Variants in BRCA1 observed in about 807,000 individuals in gnomAD.
BRCA1 encodes the protein BRCA1 DNA repair associated, also known as breast cancer type 1 susceptibility protein.
BRCA1 carries 140 observed loss-of-function variants against 173.7 expected under a neutral mutation model. That is an observed-to-expected ratio of 0.81 (90% CI 0.70 to 0.93). The LOEUF (loss-of-function observed/expected upper bound fraction) is 0.93. Among genes scored for constraint, BRCA1 ranks in the 40% least tolerant of loss-of-function variants. BRCA1 has a pLI of 0.00. For synonymous variants in BRCA1, 662 were observed against 756.0 expected, an observed-to-expected ratio of 0.88 and a Z score of 2.04; for missense variants, 1,983 against 2,172.5, an observed-to-expected ratio of 0.91 and a Z score of 1.73.
rs2054792700 is a variant in BRCA1, at chr17:43,106,523, G to A, written c.145C>T (p.Leu49=). The A allele has an allele frequency of 6.3e-7, 1 of 1,595,148 alleles. No individual in the cohort carries two copies. The highest frequency in any genetic ancestry group is 8.6e-7 in the Non-Finnish European group (1 of 1,163,994). ...CCTTTCTTCTGGTTGAGAAGTTTCA[G>A]CATGCAAAATCTATAAATTATAAAG... ...CDHIFCKFCM[L]KLLNQKKGPS... is the part of the protein sequence containing the mutation. The change falls in exon 4 of 23, where the codon CTG becomes TTG. Residue 49 remains leucine, a synonymous_variant. Transcript: ENST00000357654.
intron 3 of BRCA1, among the ~76,000 whole-genome samples, chr17:43,114,491 A>G (rs988805577): frequency 6.6e-6 from 1 of 151,984 alleles, no homozygotes; most frequent in Non-Finnish European, 1.5e-5. Context: ...TCTTCCCAGA[A>G]AAATGTACAT....
In BRCA1 at chr17:43,094,113, T is replaced by C. The variant is rs80357057; in HGVS notation, c.1418A>G (p.Asn473Ser). 9.3e-6 allele frequency: 15 copies of C among 1,614,110 alleles called. No homozygotes were observed. Among genetic ancestry groups the C allele is most frequent in the South Asian group, 6.6e-5 (6 of 91,080 alleles). The stretch of plus-strand genomic sequence containing the variant: ...TAGATTTTCAGTTACATGGCTTAAG[T>C]TGGGGAGGCTTGCCTTCTTCCGATA... ...KTYRKKASLP[N>S]LSHVTENLII... Residue 473 changes from asparagine to serine, a missense_variant, in exon 10 of 23, where the codon AAC becomes AGC. Asn to Ser is a conservative substitution (Grantham distance 46). Transcript: ENST00000357654.
chr17:43,152,810 G>A (rs1309683650), intron 1 of BRCA1, among the ~76,000 whole-genome samples: 1 of 151,870 alleles, frequency 6.6e-6, no homozygotes, highest in Non-Finnish European at 1.5e-5. Flanking sequence ...AGCTGAGATT[G>A]CGCCACTGTA....
chr17:43,135,779 C>G (rs1014008735), intron 1 of BRCA1, among the ~76,000 whole-genome samples: 49 of 152,344 alleles, frequency 3.2e-4, no homozygotes, highest in Admixed American at 1.2e-3. Flanking sequence ...ATCGCAACAG[C>G]ATCTCCCTCC....
At chr17:43,111,997 T>G (rs2154561493) in intron 3 of BRCA1, among the ~76,000 whole-genome samples, 1 of 152,336 alleles carries the variant, frequency 6.6e-6, no homozygotes, top group Middle Eastern at 3.4e-3. Context: ...GCTCCCAGCT[T>G]TCTCATCATA....
At chr17:43,104,054 T>C in intron 6 of BRCA1, 68 bp downstream of exon 6, 2 of 1,493,110 alleles carry the variant, frequency 1.3e-6, no homozygotes, top group Non-Finnish European at 1.8e-6. Flanking sequence ...CAAGACTCCA[T>C]CTCAAAAAAA....
In BRCA1 at chr17:43,119,009, A is replaced by T. The variant is rs977262668; in HGVS notation, c.81-3230T>A. ...TTGAAGTCCTGACCTCAAGTGATCC[A>T]TCTGCCTCGACCGGGATTACAGGCG... On this transcript the variant is annotated intron_variant, in intron 2 of 22. Coordinates refer to ENST00000357654, the MANE Select transcript of BRCA1 (RefSeq NM_007294.4). The T allele has an allele frequency of 2.8e-5, 6 of 213,612 alleles. No individual in the cohort carries two copies. The Admixed American group carries it at 3.5e-4, about 13-fold the overall frequency. 13.2% of individuals were successfully genotyped at this position (213,612 alleles called of 1,614,324 possible).
At chr17:43,106,574 C>T (rs570133578) in intron 3 of BRCA1, 41 bp from the exon 4 acceptor site, 1 of 1,427,462 alleles carries the variant, frequency 7.0e-7, no homozygotes, top group East Asian at 2.3e-5. Flanking sequence ...TAATTTACTT[C>T]CTTTTGTAGA....
At chr17:43,090,834 G>T (rs2154247384) in intron 11 of BRCA1, 110 bp downstream of exon 11, 2 of 1,013,836 alleles carry the variant, frequency 2.0e-6, no homozygotes, top group Non-Finnish European at 1.5e-6. Context: ...AAACAATTGT[G>T]CCATTAATTC....
At chr17:43,119,632 A>G (rs2055458311) in intron 2 of BRCA1, among the ~76,000 whole-genome samples, 2 of 152,238 alleles carry the variant, frequency 1.3e-5, no homozygotes, top group Non-Finnish European at 2.9e-5. Context: ...CAACATTGGT[A>G]TTATTACTGG....
At chr17:43,079,257 T>C in intron 12 of BRCA1, 2 of 1,114,294 alleles carry the variant, frequency 1.8e-6, no homozygotes, top group Middle Eastern at 2.3e-4. Context: ...TAAAAAGTCA[T>C]TCCTCCTTTT....
intron 18 of BRCA1, among the ~76,000 whole-genome samples, chr17:43,058,036 A>AAG (rs2051585047): frequency 1.3e-5 from 2 of 150,506 alleles, no homozygotes; most frequent in East Asian, 1.9e-4. Flanking sequence ...AAAAAAAAAA[A>AAG]AAAAAAAAAT....
chr17:43,135,707 C>A (rs2056015206), intron 1 of BRCA1, among the ~76,000 whole-genome samples: 1 of 152,218 alleles, frequency 6.6e-6, no homozygotes, highest in Non-Finnish European at 1.5e-5. Flanking sequence ...GATTCCACTT[C>A]TGCTTCAGGC....
chr17:43,087,466 C>A (rs2053271173), intron 11 of BRCA1, among the ~76,000 whole-genome samples: 3 of 151,976 alleles, frequency 2.0e-5, no homozygotes, highest in Admixed American at 2.0e-4. Flanking sequence ...AGTTTGAGAC[C>A]AGCCTGGTCA....
intron 1 of BRCA1, among the ~76,000 whole-genome samples, chr17:43,130,768 C>T (rs1311084785): frequency 6.6e-6 from 1 of 152,148 alleles, no homozygotes; most frequent in Non-Finnish European, 1.5e-5. Flanking sequence ...GTGAACTGAC[C>T]TGCTCACAGT....
At chr17:43,154,872 G>A (rs1428404008) in intron 1 of BRCA1, among the ~76,000 whole-genome samples, 1 of 151,858 alleles carries the variant, frequency 6.6e-6, no homozygotes, top group African/African-American at 2.4e-5. Flanking sequence ...TGTATAGGGG[G>A]TAGGTGTACA....
At chr17:43,110,349 T>A in intron 3 of BRCA1, 1 of 210,000 alleles carries the variant, frequency 4.8e-6, no homozygotes, top group Non-Finnish European at 1.0e-5. Flanking sequence ...CACTTTGGGA[T>A]GCCTAGGTGG....
chr17:43,145,733 A>C (rs2056117786), intron 1 of BRCA1, among the ~76,000 whole-genome samples: 2 of 151,588 alleles, frequency 1.3e-5, no homozygotes, highest in Non-Finnish European at 3.0e-5. Context: ...TTTTAAGTGT[A>C]AATGCTTTTT....
chr17:43,057,988 C>G (rs2051580154), intron 18 of BRCA1, among the ~76,000 whole-genome samples: 1 of 140,988 alleles, frequency 7.1e-6, no homozygotes, highest in African/African-American at 2.8e-5. Flanking sequence ...CCACTGCACT[C>G]CAGCCTGGGT....
Sources: allele counts gnomAD v4.1 joint callset (sites outside exome capture counted in the v4.1 genomes callset), GRCh38; gene constraint gnomAD v4.1.1; transcripts MANE v1.5; gene names NCBI Gene and HGNC (gene_info 2026-07-23, HGNC 2026-07-21).